The following DOCK11 variants were observed in gnomAD, a reference collection of about 807,000 sequenced individuals.
DOCK11 encodes the protein dedicator of cytokinesis protein 11.
Under a neutral mutation model 169.1 loss-of-function variants are expected in DOCK11, and 70 were observed. That is an observed-to-expected ratio of 0.41 (90% confidence interval 0.34 to 0.51). The LOEUF is 0.51. Among genes scored for constraint, DOCK11 ranks in the 20% least tolerant of loss-of-function variants. The pLI, the probability that DOCK11 is intolerant of heterozygous loss-of-function variation, is 0.10. For missense variants in DOCK11, 1,166 were observed against 1,538.8 expected (o/e 0.76, Z 4.05); for synonymous variants, 529 against 541.3 (o/e 0.98, Z 0.32).
intron 40 of DOCK11, among the ~76,000 whole-genome samples, chrX:118,648,278 G>T (rs1465479691): frequency 1.1e-5 from 1 of 87,974 alleles, no homozygotes; most frequent in East Asian, 3.2e-4. Context: ...TAGTGATATA[G>T]TGGCAATTAC....
rs778839692 is a variant in DOCK11 at position 118,639,509 on chromosome X, G to C, written c.4076G>C (p.Arg1359Thr). The change falls in exon 38 of 53, where the codon AGA becomes ACA. Residue 1359 changes from arginine to threonine, a missense_variant. By Grantham distance (71) the Arg-to-Thr change is moderately conservative (BLOSUM62 -1). Transcript: ENST00000276202. ...CAAACCATGCCTGCTCTTCGAAACA[G>C]ATCAGGAGTAATGCAGGCCCGGCTT... ...KSQTMPALRN[R>T]SGVMQARLQH... 7 of 1,211,394 alleles carry C rather than the reference G, an allele frequency of 5.8e-6. No homozygotes were observed. Among genetic ancestry groups the C allele is most frequent in the Non-Finnish European group, 6.7e-6 (6 of 895,219 alleles).
chrX:118,516,018 T>TATATATATATATATATATATACGC (rs1269373292), intron 1 of DOCK11, among the ~76,000 whole-genome samples: 1 of 81,499 alleles, frequency 1.2e-5, no homozygotes. Flanking sequence ...TATATATATA[T>TATATATATATATATATATATACGC]ACATTCTTAC....
chrX:118,543,928 C>T (rs1338010309), intron 4 of DOCK11, among the ~76,000 whole-genome samples: 2 of 111,816 alleles, frequency 1.8e-5, no homozygotes, highest in East Asian at 2.8e-4. Flanking sequence ...CCAGCTTGGG[C>T]GACAGATAGA....
At chrX:118,503,094 A>C (rs2057587072) in intron 1 of DOCK11, among the ~76,000 whole-genome samples, 1 of 68,958 alleles carries the variant, frequency 1.5e-5, no homozygotes, top group Non-Finnish European at 3.1e-5. Context: ...TTTTTTTGAA[A>C]TGGAGTTTCA....
At chrX:118,594,551 A>G (rs1271094494) in intron 20 of DOCK11, among the ~76,000 whole-genome samples, 4 of 112,190 alleles carry the variant, frequency 3.6e-5, no homozygotes, top group Admixed American at 2.9e-4. Context: ...AAAATTTCAG[A>G]TAAGGGATAC....
intron 6 of DOCK11, among the ~76,000 whole-genome samples, chrX:118,558,479 A>G (rs1193380051): frequency 1.8e-5 from 2 of 112,161 alleles, no homozygotes; most frequent in Non-Finnish European, 3.8e-5. Flanking sequence ...AGAAATGTAA[A>G]AAATATATAT....
intron 1 of DOCK11, among the ~76,000 whole-genome samples, chrX:118,512,258 G>C (rs1403498735): frequency 8.9e-6 from 1 of 112,160 alleles, no homozygotes; most frequent in Non-Finnish European, 1.9e-5. Flanking sequence ...AGGAGGAATG[G>C]TGGAAGGCAA....
At chrX:118,625,333 A>G (rs991804735) in intron 32 of DOCK11, among the ~76,000 whole-genome samples, 1 of 109,773 alleles carries the variant, frequency 9.1e-6, no homozygotes, top group Non-Finnish European at 1.9e-5. Context: ...TTTTTTGTAT[A>G]TTTAGTAGAG....
chrX:118,647,970 T>TATAA (rs1286767972), intron 40 of DOCK11, among the ~76,000 whole-genome samples: 9 of 45,612 alleles, frequency 2.0e-4, no homozygotes, highest in Admixed American at 7.9e-4. Flanking sequence ...TAATATATAA[T>TATAA]TATATATAAT....
Position 118,540,692 on chromosome X carries a change from C to G in DOCK11, c.103-2033C>G, listed in dbSNP as rs767047259. Among the ~76,000 whole-genome samples, 16 of 111,203 alleles carry G rather than the reference C, an allele frequency of 1.4e-4. No homozygotes were observed. In the South Asian group the frequency reaches 5.3e-3, roughly 37 times the overall value. On this transcript the variant is annotated intron_variant, in intron 1 of 52. Transcript: ENST00000276202. ...CTACAGGAAACTCTGAGATGCCCTT[C>G]CGATATGGAAATTGGGTATAGCTGT...
intron 4 of DOCK11, among the ~76,000 whole-genome samples, chrX:118,543,849 G>C (rs1490472241): frequency 9.0e-6 from 1 of 111,532 alleles, no homozygotes; most frequent in Non-Finnish European, 1.9e-5. Context: ...ACTTGGGAGG[G>C]TGAGGCAGGA....
chrX:118,567,949 G>C, intron 9 of DOCK11, 130 bp from the exon 10 acceptor site: 5 of 313,414 alleles, frequency 1.6e-5, no homozygotes, highest in Non-Finnish European at 2.8e-5. Context: ...GTTTTGTACT[G>C]ACTACAGGAT....
intron 24 of DOCK11, among the ~76,000 whole-genome samples, chrX:118,607,035 TCCTTTCCTTTC>T (rs961272936): frequency 9.3e-5 from 10 of 107,982 alleles, no homozygotes; most frequent in African/African-American, 2.7e-4. Flanking sequence ...CCTTTCCTTC[TCCTTTCCTTTC>T]CCTTTCCTTT....
chrX:118,582,405 G>T (rs181179597), intron 14 of DOCK11, among the ~76,000 whole-genome samples: 2 of 111,820 alleles, frequency 1.8e-5, no homozygotes, highest in African/African-American at 6.5e-5. Context: ...GTAGCTGCTT[G>T]ATGCCGTTTT....
chrX:118,628,101 T>C (rs931178876), intron 33 of DOCK11, 62 bp from the exon 34 acceptor site: 2 of 708,959 alleles, frequency 2.8e-6, no homozygotes, highest in African/African-American at 2.2e-5. Context: ...TTCCGTACTT[T>C]TTAAATATTT....
intron 20 of DOCK11, among the ~76,000 whole-genome samples, chrX:118,595,403 A>G (rs2014130352): frequency 1.8e-5 from 2 of 112,060 alleles, no homozygotes; most frequent in Admixed American, 1.9e-4. Context: ...GGTTTGGGAC[A>G]TCAGTTGAGT....
Position 118,542,520 on chromosome X carries a change from T to TTG in DOCK11, c.103-181_103-180dup, listed in dbSNP as rs1556262327. Among the ~76,000 whole-genome samples, 518 of 103,968 alleles carry TTG rather than the reference T, an allele frequency of 5.0e-3. 4 individuals are homozygous for TTG. Among genetic ancestry groups the TTG allele is most frequent in the African/African-American group, 8.0e-3 (229 of 28,632 alleles). The allele number at this position is 103,968 out of a possible 115,157, so 90.3% of individuals were successfully genotyped here. On this transcript the variant is annotated intron_variant, in intron 1 of 52. Coordinates refer to ENST00000276202, the MANE Select transcript of DOCK11 (RefSeq NM_144658.4). ...AATGTCTGTGTGTGTGTGTGTGTGTTTGTGTGTGTGTGTGTGTGTGTGTGT... is the reference window on the plus strand; with the variant it reads ...AATGTCTGTGTGTGTGTGTGTGTGTTTGTGTGTGTGTGTGTGTGTGTGTGTGT...
At position 118,618,695 on chromosome X, in the gene DOCK11, A is replaced by G. The variant is rs1468726721; in HGVS notation, c.3438A>G (p.Ile1146Met). ...TCTCTGTTATAAAGAATCTTTTGATAAAACATGCATTTGACACAAGATACC... is the reference window on the plus strand; with the variant it reads ...TCTCTGTTATAAAGAATCTTTTGATGAAACATGCATTTGACACAAGATACC... ...TAISVIKNLLIKHAFDTRYQH... is the reference protein window; with the variant it reads ...TAISVIKNLLMKHAFDTRYQH... The change falls in exon 31 of 53, where the codon ATA becomes ATG. Residue 1146 changes from isoleucine to methionine, a missense_variant. Ile to Met is a conservative substitution (Grantham distance 10). Coordinates refer to ENST00000276202, the MANE Select transcript of DOCK11 (RefSeq NM_144658.4). 1 of 1,208,837 alleles carries G rather than the reference A, an allele frequency of 8.3e-7. No individual in the cohort carries two copies. Among genetic ancestry groups the G allele is most frequent in the East Asian group, 3.0e-5 (1 of 33,742 alleles).
chrX:118,512,581 T>G (rs755793626), intron 1 of DOCK11, among the ~76,000 whole-genome samples: 1 of 112,063 alleles, frequency 8.9e-6, no homozygotes, highest in South Asian at 3.7e-4. Flanking sequence ...AAAATACTTG[T>G]ATGCCATTCA....
Sources: gnomAD v4.1 joint callset for allele counts (sites outside exome capture counted in the v4.1 genomes callset) on GRCh38, gnomAD v4.1.1 for gene constraint, MANE v1.5 for transcripts, NCBI Gene and HGNC (gene_info 2026-07-23, HGNC 2026-07-21) for gene names.